Variants in CDYL2 observed in about 807,000 individuals in gnomAD.
CDYL2 encodes chromodomain Y-like protein 2.
Under a neutral mutation model 49.4 loss-of-function variants are expected in CDYL2, and 23 were observed. That is an observed-to-expected ratio of 0.47 (90% CI 0.34 to 0.66). CDYL2 has a LOEUF of 0.66. Among genes scored for constraint, CDYL2 ranks in the 30% least tolerant of loss-of-function variants. The pLI is 0.01. For missense variants in CDYL2, 678 were observed against 656.4 expected (o/e 1.03, Z -0.36); for synonymous variants, 360 against 268.8 (o/e 1.34, Z -3.32).
intron 4 of CDYL2, among the ~76,000 whole-genome samples, chr16:80,617,282 C>T (rs1326326355): frequency 5.3e-5 from 8 of 152,194 alleles, no homozygotes; most frequent in Non-Finnish European, 1.2e-4. Context: ...GGCCATGCGG[C>T]ATGCCTGGTC....
chr16:80,715,610 G>A (rs182898204), intron 1 of CDYL2, among the ~76,000 whole-genome samples: 14 of 152,192 alleles, frequency 9.2e-5, no homozygotes, highest in African/African-American at 2.9e-4. Context: ...ATTGCCTCCA[G>A]AGGAATTTTT....
chr16:80,729,257 T>G (rs1905253939), intron 1 of CDYL2, among the ~76,000 whole-genome samples: 1 of 151,800 alleles, frequency 6.6e-6, no homozygotes, highest in Admixed American at 6.6e-5. Flanking sequence ...TGGAGGAAGA[T>G]CTACCAAGCA....
chr16:80,776,349 T>A (rs1907082131), intron 1 of CDYL2, among the ~76,000 whole-genome samples: 1 of 152,058 alleles, frequency 6.6e-6, no homozygotes, highest in Admixed American at 6.5e-5. Flanking sequence ...CTAGAAAAGA[T>A]GAATATACAC....
At chr16:80,661,952 C>T (rs1453413949) in intron 2 of CDYL2, among the ~76,000 whole-genome samples, 1 of 152,156 alleles carries the variant, frequency 6.6e-6, no homozygotes, top group Non-Finnish European at 1.5e-5. Flanking sequence ...CATGAGCAAA[C>T]AATCAGGTGG....
chr16:80,723,431 T>C (rs1002268207), intron 1 of CDYL2, among the ~76,000 whole-genome samples: 5 of 152,220 alleles, frequency 3.3e-5, no homozygotes, highest in Non-Finnish European at 7.3e-5. Context: ...GGGATGTTTC[T>C]AAGTAAGAAC....
intron 1 of CDYL2, among the ~76,000 whole-genome samples, chr16:80,688,444 A>G (rs192745528): frequency 6.6e-6 from 1 of 152,326 alleles, no homozygotes; most frequent in Admixed American, 6.5e-5. Flanking sequence ...AAGAATTAAG[A>G]TACAGGAAAA....
At chr16:80,699,339 A>C (rs1193168666) in intron 1 of CDYL2, among the ~76,000 whole-genome samples, 1 of 152,278 alleles carries the variant, frequency 6.6e-6, no homozygotes, top group African/African-American at 2.4e-5. Context: ...GCCATAAAAA[A>C]GTATGAGATT....
At chr16:80,733,644 A>G (rs1404642683) in intron 1 of CDYL2, among the ~76,000 whole-genome samples, 1 of 152,194 alleles carries the variant, frequency 6.6e-6, no homozygotes, top group Non-Finnish European at 1.5e-5. Flanking sequence ...TGCTTTCTCA[A>G]TAAACTCAAG....
intron 3 of CDYL2, among the ~76,000 whole-genome samples, chr16:80,622,838 C>G (rs1271416326): frequency 1.3e-5 from 2 of 152,208 alleles, no homozygotes; most frequent in African/African-American, 4.8e-5. Flanking sequence ...TGCAGCCCGG[C>G]TATTCAGCTC....
chr16:80,678,002 A>T (rs948330503), intron 2 of CDYL2, among the ~76,000 whole-genome samples: 9 of 151,796 alleles, frequency 5.9e-5, no homozygotes, highest in Admixed American at 1.3e-4. Context: ...GAAAAACAAG[A>T]AATGGGGAAA....
intron 2 of CDYL2, among the ~76,000 whole-genome samples, chr16:80,644,509 G>C (rs1295105931): frequency 2.0e-5 from 3 of 152,138 alleles, no homozygotes; most frequent in African/African-American, 7.2e-5. Flanking sequence ...GGGTAGACTG[G>C]GGAACAAAAG....
At chr16:80,626,275 T>TAAA (rs11358031) in intron 3 of CDYL2, among the ~76,000 whole-genome samples, 12 of 92,286 alleles carry the variant, frequency 1.3e-4, no homozygotes, top group African/African-American at 2.8e-4. Flanking sequence ...AAATCCCATC[T>TAAA]AAAAAAAAAA....
intron 1 of CDYL2, among the ~76,000 whole-genome samples, chr16:80,776,652 T>C (rs1282065803): frequency 2.0e-5 from 3 of 150,952 alleles, no homozygotes; most frequent in African/African-American, 4.8e-5. Flanking sequence ...CGTACATTTG[T>C]ATATTCTTAT....
chr16:80,784,226 CTCTT>C (rs1023271443), intron 1 of CDYL2, among the ~76,000 whole-genome samples: 81 of 151,870 alleles, frequency 5.3e-4, no homozygotes, highest in African/African-American at 1.7e-3. Context: ...TTTTGTTGTT[CTCTT>C]TCTAACTTCT....
At chr16:80,607,185 C>T (rs546079626) in intron 6 of CDYL2, among the ~76,000 whole-genome samples, 42 of 152,148 alleles carry the variant, frequency 2.8e-4, no homozygotes, top group Non-Finnish European at 5.0e-4. Flanking sequence ...CACCCCCCAC[C>T]GTCACCCTCA....
intron 2 of CDYL2, among the ~76,000 whole-genome samples, chr16:80,682,791 T>C (rs1051468236): frequency 2.6e-5 from 4 of 152,122 alleles, no homozygotes; most frequent in Non-Finnish European, 4.4e-5. Context: ...AACACGGGTG[T>C]TTATGCCAAG....
chr16:80,674,600 T>C (rs1909666206), intron 2 of CDYL2, among the ~76,000 whole-genome samples: 1 of 152,208 alleles, frequency 6.6e-6, no homozygotes, highest in South Asian at 2.1e-4. Context: ...CCGTACCCAT[T>C]AGCAGTCATT....
intron 4 of CDYL2, among the ~76,000 whole-genome samples, chr16:80,620,150 T>C (rs967759884): frequency 6.6e-6 from 1 of 152,232 alleles, no homozygotes; most frequent in Non-Finnish European, 1.5e-5. Context: ...GCTTTTGATA[T>C]ACTGATAAAG....
chr16:80,633,102 C>T lies in CDYL2; in HGVS notation c.751G>A (p.Asp251Asn), dbSNP rs1424004394. The T allele has an allele frequency of 6.2e-7, 1 of 1,614,152 alleles. No individual in the cohort carries two copies. The highest frequency in any genetic ancestry group is 1.7e-5 in the Admixed American group (1 of 60,018). The change falls in exon 3 of 7, where the codon GAC becomes AAC. Residue 251 changes from aspartate to asparagine, a missense_variant. By Grantham distance (23) the Asp-to-Asn change is conservative. Transcript: ENST00000570137. ...CCTTCTTCCTTCCGCACAACGATGT[C>T]TCGAAACCGACAGTTGCTTTCATTC... ...RQNESNCRFR[D>N]IVVRKEEGFT... is the part of the protein sequence containing the mutation.
Sources: gnomAD v4.1 joint callset for allele counts (sites outside exome capture counted in the v4.1 genomes callset) on GRCh38, gnomAD v4.1.1 for gene constraint, MANE v1.5 for transcripts, NCBI Gene and HGNC (gene_info 2026-07-23, HGNC 2026-07-21) for gene names.